Variants in KCNH1 observed in about 807,000 individuals in gnomAD.
The protein encoded by KCNH1 is voltage-gated delayed rectifier potassium channel KCNH1.
KCNH1 carries 27 observed loss-of-function variants against 69.2 expected under a neutral mutation model. The observed-to-expected ratio is 0.39, with a 90% confidence interval of 0.29 to 0.54. The LOEUF is 0.54. Among genes scored for constraint, KCNH1 ranks in the 20% least tolerant of loss-of-function variants. KCNH1 has a pLI of 0.68. For missense variants in KCNH1, 798 were observed against 1,261.6 expected, an observed-to-expected ratio of 0.63 and a Z score of 5.57; for synonymous variants, 456 against 487.7, an observed-to-expected ratio of 0.93 and a Z score of 0.86.
intron 6 of KCNH1, among the ~76,000 whole-genome samples, chr1:210,932,632 AAC>A: frequency 6.6e-6 from 1 of 152,232 alleles, no homozygotes; most frequent in African/African-American, 2.4e-5. Context: ...CACCTGTAAA[AAC>A]ACACAGACTG....
At chr1:210,787,679 G>A (rs772096057) in intron 9 of KCNH1, among the ~76,000 whole-genome samples, 19 of 152,094 alleles carry the variant, frequency 1.2e-4, no homozygotes, top group South Asian at 4.1e-4. Flanking sequence ...CTACAATGTC[G>A]GCCTCACTCA....
At chr1:210,981,784 T>G (rs907631279) in intron 6 of KCNH1, among the ~76,000 whole-genome samples, 1 of 152,148 alleles carries the variant, frequency 6.6e-6, no homozygotes, top group Non-Finnish European at 1.5e-5. Flanking sequence ...TTGCTGCAAC[T>G]GCCTTCATTT....
intron 1 of KCNH1, among the ~76,000 whole-genome samples, chr1:211,113,971 C>G (rs796865943): frequency 8.1e-6 from 1 of 124,154 alleles, no homozygotes; most frequent in South Asian, 2.6e-4. Flanking sequence ...CTCTCTCTCT[C>G]TCTCACACAC....
At chr1:210,698,460 G>T (rs1396808399) in intron 10 of KCNH1, among the ~76,000 whole-genome samples, 1 of 152,180 alleles carries the variant, frequency 6.6e-6, no homozygotes, top group Non-Finnish European at 1.5e-5. Flanking sequence ...ACCAGAAGAA[G>T]AGAAGGTAAA....
chr1:210,957,570 A>G (rs1018821876), intron 6 of KCNH1, among the ~76,000 whole-genome samples: 4 of 152,282 alleles, frequency 2.6e-5, no homozygotes, highest in Middle Eastern at 3.4e-3. Context: ...TAGGTCTCTA[A>G]GGACTTCCTT....
chr1:211,051,147 A>G (rs1333364806), intron 5 of KCNH1, among the ~76,000 whole-genome samples: 1 of 151,956 alleles, frequency 6.6e-6, no homozygotes, highest in Non-Finnish European at 1.5e-5. Flanking sequence ...ACAGGTGTGC[A>G]CCACCACACC....
At chr1:211,037,747 G>C (rs868441427) in intron 5 of KCNH1, among the ~76,000 whole-genome samples, 1 of 151,972 alleles carries the variant, frequency 6.6e-6, no homozygotes, top group African/African-American at 2.4e-5. Context: ...GAGTAGGAGA[G>C]CAAGACCATA....
chr1:211,103,705 G>A (rs576118691), intron 2 of KCNH1, 103 bp from the exon 3 acceptor site: 15 of 679,658 alleles, frequency 2.2e-5, no homozygotes, highest in African/African-American at 5.5e-5. Context: ...TATGTACTGT[G>A]GAACACACAC....
intron 6 of KCNH1, among the ~76,000 whole-genome samples, 164 bp downstream of exon 6, chr1:211,018,619 C>T (rs561196321): frequency 6.6e-6 from 1 of 152,316 alleles, no homozygotes; most frequent in Non-Finnish European, 1.5e-5. Flanking sequence ...TCCAAACCGC[C>T]AAAGGATGGG....
intron 6 of KCNH1, among the ~76,000 whole-genome samples, chr1:210,922,392 A>AC (rs1387642826): frequency 2.2e-4 from 5 of 22,662 alleles, no homozygotes; most frequent in African/African-American, 5.3e-4. Context: ...TCAAAAAAAA[A>AC]AAAAAAAAAA....
At chr1:210,797,366 A>T (rs2102400084) in intron 9 of KCNH1, 142 bp downstream of exon 9, 1 of 908,210 alleles carries the variant, frequency 1.1e-6, no homozygotes, top group Non-Finnish European at 1.7e-6. Context: ...TCGCCGTTTG[A>T]TTGTTGGATA....
chr1:210,952,100 G>T (rs1165637937), intron 6 of KCNH1, among the ~76,000 whole-genome samples: 1 of 152,056 alleles, frequency 6.6e-6, no homozygotes, highest in East Asian at 1.9e-4. Context: ...TGAGCACTTG[G>T]TCTTCCTCTC....
At chr1:210,890,508 C>A (rs935144097) in intron 7 of KCNH1, among the ~76,000 whole-genome samples, 1 of 151,938 alleles carries the variant, frequency 6.6e-6, no homozygotes, top group Non-Finnish European at 1.5e-5. Flanking sequence ...ACTAAAACAC[C>A]AAAAGCAATG....
At chr1:210,738,954 C>T (rs1682949091) in intron 10 of KCNH1, among the ~76,000 whole-genome samples, 1 of 152,072 alleles carries the variant, frequency 6.6e-6, no homozygotes, top group African/African-American at 2.4e-5. Context: ...TCTCCTTTTT[C>T]TTAAGTAGCT....
At chr1:210,816,093 C>T (rs950738803) in intron 7 of KCNH1, among the ~76,000 whole-genome samples, 5 of 152,188 alleles carry the variant, frequency 3.3e-5, no homozygotes, top group African/African-American at 1.2e-4. Flanking sequence ...TACACCAGCA[C>T]TATCCCCTCA....
intron 1 of KCNH1, among the ~76,000 whole-genome samples, chr1:211,128,037 T>C (rs1362260982): frequency 6.6e-6 from 1 of 152,086 alleles, no homozygotes; most frequent in Non-Finnish European, 1.5e-5. Flanking sequence ...GTGCCTGTAA[T>C]CTCAACACTT....
rs1044184455 is a variant in KCNH1, at chr1:210,678,464, T to C, written c.*4817A>G. On this transcript the variant is annotated 3_prime_UTR_variant, in exon 11 of 11. Transcript: ENST00000271751. Reference sequence around the variant, plus strand: ...ACATTCCCAAGCCACAGATATACAGTGGTGTTCTTGGCAGCATCCTCAGCT... The same window carrying C: ...ACATTCCCAAGCCACAGATATACAGCGGTGTTCTTGGCAGCATCCTCAGCT... The C allele has an allele frequency of 3.3e-5, 5 of 152,180 alleles. No homozygotes were observed. Among genetic ancestry groups the C allele is most frequent in the East Asian group, 1.9e-4 (1 of 5,200 alleles). 9.4% of individuals were successfully genotyped at this position (152,180 alleles called of 1,614,324 possible).
rs779007036 is a variant in KCNH1 at position 210,734,801 on chromosome 1, T to TA, written c.2112+40546dup. Among the ~76,000 whole-genome samples, 118 of 151,970 alleles carry TA rather than the reference T, an allele frequency of 7.8e-4. 1 individual carries two copies. Among genetic ancestry groups the TA allele is most frequent in the Admixed American group, 1.1e-3 (17 of 15,250 alleles). ...TACCCGTTTGAACAAAAAGCCTTAA[T>TA]AGCACCTACCCCATAAGGTTGTTTG... On this transcript the variant is annotated intron_variant, in intron 10 of 10. Coordinates refer to ENST00000271751, the MANE Select transcript of KCNH1 (RefSeq NM_172362.3).
intron 6 of KCNH1, among the ~76,000 whole-genome samples, chr1:211,010,334 C>A (rs565663151): frequency 1.3e-5 from 2 of 152,184 alleles, no homozygotes; most frequent in African/African-American, 4.8e-5. Flanking sequence ...CTCATTCTCA[C>A]CACTGCTTCC....
Sources: allele counts gnomAD v4.1 joint callset (sites outside exome capture counted in the v4.1 genomes callset), GRCh38; gene constraint gnomAD v4.1.1; transcripts MANE v1.5; gene names NCBI Gene and HGNC (gene_info 2026-07-23, HGNC 2026-07-21).